The following NFS1 variants were observed in gnomAD, a reference collection of about 807,000 sequenced individuals.
NFS1 encodes the protein NFS1 cysteine desulfurase.
In NFS1, 26 loss-of-function variants were observed where a neutral mutation model predicts 57.3. The ratio of observed to expected loss-of-function variants is 0.45; its 90% CI spans 0.33 to 0.63. NFS1 has a LOEUF of 0.63. Ranked by LOEUF, NFS1 falls within the 20% of genes least tolerant of loss-of-function variation. NFS1 has a pLI of 0.02. For synonymous variants in NFS1, 209 were observed against 216.3 expected (o/e 0.97, Z 0.30); for missense variants, 505 against 605.8 (o/e 0.83, Z 1.75).
intron 5 of NFS1, among the ~76,000 whole-genome samples, chr20:35,687,831 C>T (rs1038844598): frequency 6.6e-6 from 1 of 152,192 alleles, no homozygotes; most frequent in African/African-American, 2.4e-5. Flanking sequence ...AGAAAGGTGG[C>T]TCACATCTGT....
At chr20:35,688,252 GAAA>G (rs1208376021) in intron 5 of NFS1, among the ~76,000 whole-genome samples, 1 of 138,300 alleles carries the variant, frequency 7.2e-6, no homozygotes, top group Admixed American at 7.2e-5. Context: ...TCCATCTCAA[GAAA>G]AAAAAAAAAT....
intron 5 of NFS1, among the ~76,000 whole-genome samples, chr20:35,683,790 C>CAAAAAAAAAAAA (rs151037025): frequency 3.7e-5 from 2 of 54,026 alleles, no homozygotes; most frequent in Non-Finnish European, 7.5e-5. Flanking sequence ...GACTCCATCT[C>CAAAAAAAAAAAA]AAAAAAAAAA....
intron 12 of NFS1, among the ~76,000 whole-genome samples, chr20:35,670,871 C>T (rs1312418929): frequency 6.6e-6 from 1 of 152,074 alleles, no homozygotes; most frequent in African/African-American, 2.4e-5. Context: ...AAGAAAAATC[C>T]AGAACACAGA....
At chr20:35,678,437 A>G (rs551370575) in intron 7 of NFS1, among the ~76,000 whole-genome samples, 27 of 151,872 alleles carry the variant, frequency 1.8e-4, no homozygotes, top group Admixed American at 1.6e-3. Context: ...CTGAGGCAGG[A>G]GAATCGCTTG....
At position 35,669,515 on chromosome 20, in the gene NFS1, G is replaced by C; in HGVS notation, c.*107C>G. ...GGTGGACTGATGCTGAAGTCAACTG[G>C]TCTATACCAATCTAGAGCATCCACT... On this transcript the variant is annotated 3_prime_UTR_variant, in exon 13 of 13. Coordinates refer to ENST00000374092, the MANE Select transcript of NFS1 (RefSeq NM_021100.5). 1 of 959,768 alleles carries C rather than the reference G, an allele frequency of 1.0e-6. No individual in the cohort carries two copies. The highest frequency in any genetic ancestry group is 1.3e-5 in the South Asian group (1 of 74,412). The allele number at this position is 959,768 out of a possible 1,614,324, so 59.5% of individuals were successfully genotyped here.
At chr20:35,679,895 G>A (rs995640887) in intron 7 of NFS1, among the ~76,000 whole-genome samples, 2 of 152,108 alleles carry the variant, frequency 1.3e-5, no homozygotes, top group Non-Finnish European at 2.9e-5. Flanking sequence ...CTATTCCCAA[G>A]GGTTAAGGGA....
At chr20:35,697,863 CCT>C in intron 2 of NFS1, 63 bp from the exon 3 acceptor site, 1 of 1,135,242 alleles carries the variant, frequency 8.8e-7, no homozygotes, top group Non-Finnish European at 1.3e-6. Flanking sequence ...CCACTCCACC[CCT>C]CAGACCTGGC....
At chr20:35,688,987 A>C (rs776063302) in intron 5 of NFS1, among the ~76,000 whole-genome samples, 2 of 152,222 alleles carry the variant, frequency 1.3e-5, no homozygotes, top group Non-Finnish European at 2.9e-5. Context: ...TACAAACAGC[A>C]TGTTAGGATT....
At chr20:35,680,096 A>T (rs910252016) in intron 7 of NFS1, among the ~76,000 whole-genome samples, 1 of 152,178 alleles carries the variant, frequency 6.6e-6, no homozygotes, top group African/African-American at 2.4e-5. Flanking sequence ...CGAGGTCAGG[A>T]GATCAAGACC....
chr20:35,674,291 G>T, intron 10 of NFS1, 59 bp downstream of exon 10: 2 of 1,350,564 alleles, frequency 1.5e-6, no homozygotes, highest in Non-Finnish European at 2.1e-6. Flanking sequence ...AAGTTTAATA[G>T]CCTGTATGAC....
Position 35,699,258 on chromosome 20 carries a change from C to T in NFS1, c.31G>A (p.Ala11Thr). The T allele has an allele frequency of 1.4e-6, 2 of 1,423,802 alleles. 1 individual carries two copies. The highest frequency in any genetic ancestry group is 2.9e-5 in the South Asian group (2 of 68,234). The allele number at this position is 1,423,802 out of a possible 1,614,324, so 88.2% of individuals were successfully genotyped here. MLLRAAWRRA[A>T]VAVTAAPGPK... The stretch of plus-strand genomic sequence containing the variant: ...CCTGGAGCCGCTGTCACCGCCACTG[C>T]CGCCCGCCTCCAAGCGGCTCGGAGC... The change falls in exon 1 of 13, where the codon GCA becomes ACA. Residue 11 changes from alanine to threonine, a missense_variant. Coordinates refer to ENST00000374092, the MANE Select transcript of NFS1 (RefSeq NM_021100.5). The surrounding 1 kb of genome is among the most constrained non-coding windows in gnomAD (Gnocchi z 4.4).
At chr20:35,694,097 G>T (rs2035088569) in intron 4 of NFS1, among the ~76,000 whole-genome samples, 1 of 151,968 alleles carries the variant, frequency 6.6e-6, no homozygotes, top group Non-Finnish European at 1.5e-5. Flanking sequence ...AGTGAGCTGT[G>T]ATTGTGCAAC....
intron 5 of NFS1, among the ~76,000 whole-genome samples, chr20:35,687,234 G>C (rs2034961007): frequency 6.6e-6 from 1 of 152,180 alleles, no homozygotes; most frequent in African/African-American, 2.4e-5. Context: ...CCTGCCCGCA[G>C]TTATCTGGAG....
At position 35,670,705 on chromosome 20, in the gene NFS1, G is replaced by A. The variant is rs574930194; in HGVS notation, c.1311-1020C>T. Among the ~76,000 whole-genome samples, 10 of 152,302 alleles carry A rather than the reference G, an allele frequency of 6.6e-5. No homozygotes were observed. In the South Asian group the frequency reaches 1.0e-3, roughly 16 times the overall value. ...TCAGAAGGAATAGGGTGCAGATGCC[G>A]AAGCCACATAGATAGGAAACAAAAG... On this transcript the variant is annotated intron_variant, in intron 12 of 12. Transcript: ENST00000374092.
At position 35,681,921 on chromosome 20, in the gene NFS1, C is replaced by T; in HGVS notation, c.622G>A (p.Glu208Lys). ...SLVSVMTVNNEIGVKQPIAEI... is the reference protein window; with the variant it reads ...SLVSVMTVNNKIGVKQPIAEI... ...GCAATAGGCTGCTTCACTCCAATCT[C>T]ATTGTTCACAGTCATGACTGACACC... The change falls in exon 6 of 13, where the codon GAG becomes AAG. Residue 208 changes from glutamate to lysine, a missense_variant. By Grantham distance (56) the Glu-to-Lys change is moderately conservative. Coordinates refer to ENST00000374092, the MANE Select transcript of NFS1 (RefSeq NM_021100.5). 2 of 1,613,098 alleles carry T rather than the reference C, an allele frequency of 1.2e-6. No homozygotes were observed. The highest frequency in any genetic ancestry group is 1.7e-6 in the Non-Finnish European group (2 of 1,179,134).
At chr20:35,674,326 C>A (rs1341328566) in intron 10 of NFS1, 24 bp downstream of exon 10, 1 of 1,603,480 alleles carries the variant, frequency 6.2e-7, no homozygotes, top group Non-Finnish European at 8.5e-7. Context: ...CTGCCGCAGG[C>A]CCTGTCTATG....
At chr20:35,686,177 C>G (rs544471738) in intron 5 of NFS1, among the ~76,000 whole-genome samples, 1 of 151,430 alleles carries the variant, frequency 6.6e-6, no homozygotes, top group South Asian at 2.1e-4. Flanking sequence ...ATGAACTGGT[C>G]ACCTCGGCCT....
chr20:35,673,668 A>G lies in NFS1; in HGVS notation c.1153T>C (p.Ser385Pro). 2.5e-6 allele frequency: 4 copies of G among 1,613,876 alleles called. No individual in the cohort carries two copies. The highest frequency in any genetic ancestry group is 3.4e-6 in the Non-Finnish European group (4 of 1,179,874). ...CTAAGCACATAAGAGGGCTCCAGGG[A>G]TGCAGAGGTGCAGGCACTGAGGAGA... The part of the protein sequence containing the change: ...LSSGSACTSA[S>P]LEPSYVLRAI... The change falls in exon 11 of 13, where the codon TCC becomes CCC. Residue 385 changes from serine (S) to proline (P), a missense_variant. By Grantham distance (74) the Ser-to-Pro change is moderately conservative. Transcript: ENST00000374092.
intron 7 of NFS1, among the ~76,000 whole-genome samples, chr20:35,679,989 G>A (rs1217586639): frequency 1.3e-5 from 2 of 152,170 alleles, no homozygotes; most frequent in African/African-American, 2.4e-5. Context: ...CAGGATAACA[G>A]ACTATGAAGT....
Sources: gnomAD v4.1 joint callset for allele counts (sites outside exome capture counted in the v4.1 genomes callset) on GRCh38, gnomAD v4.1.1 for gene constraint, Gnocchi (gnomAD v3.1) non-coding constraint, MANE v1.5 for transcripts, NCBI Gene and HGNC (gene_info 2026-07-23, HGNC 2026-07-21) for gene names.